CNTNAP2: variants seen among roughly 807,000 people sequenced by gnomAD.
The protein encoded by CNTNAP2 is contactin-associated protein-like 2.
A neutral mutation model predicts 155.2 loss-of-function variants in CNTNAP2; 98 were observed. The ratio of observed to expected loss-of-function variants is 0.63; its 90% CI spans 0.54 to 0.75. CNTNAP2 has a LOEUF of 0.75. Ranked by LOEUF, CNTNAP2 falls within the 30% of genes least tolerant of loss-of-function variation. The pLI is 0.00. For synonymous variants in CNTNAP2, 651 were observed against 631.2 expected, an observed-to-expected ratio of 1.03 and a Z score of -0.47; for missense variants, 1,727 against 1,688.1, an observed-to-expected ratio of 1.02 and a Z score of -0.40.
At chr7:146,864,990 TA>T (rs55646482) in intron 3 of CNTNAP2, among the ~76,000 whole-genome samples, 22,985 of 83,170 alleles carry the variant, frequency 0.28, 1,951 homozygotes, top group Admixed American at 0.3. Context: ...AGAGTCTATC[TA>T]AAAAAAAAAA....
chr7:147,626,721 A>G (rs1289222651), intron 12 of CNTNAP2, among the ~76,000 whole-genome samples: 4 of 152,186 alleles, frequency 2.6e-5, no homozygotes, highest in Admixed American at 6.5e-5. Flanking sequence ...AACTCAGGCC[A>G]TTACAGCAAC....
At chr7:147,094,562 T>C (rs1166792953) in intron 4 of CNTNAP2, among the ~76,000 whole-genome samples, 4 of 144,592 alleles carry the variant, frequency 2.8e-5, no homozygotes, top group Non-Finnish European at 4.5e-5. Context: ...CCACCACGCC[T>C]GGCTATTTTT....
chr7:146,521,358 C>T (rs529163173), intron 1 of CNTNAP2, among the ~76,000 whole-genome samples: 19 of 151,978 alleles, frequency 1.3e-4, no homozygotes, highest in African/African-American at 4.3e-4. Flanking sequence ...GTTTGCTGAC[C>T]ATGGTTTATA....
intron 1 of CNTNAP2, among the ~76,000 whole-genome samples, chr7:146,422,149 A>T (rs1163420265): frequency 1.3e-5 from 2 of 151,012 alleles, no homozygotes; most frequent in Admixed American, 6.6e-5. Context: ...TACATGCATG[A>T]ATTATATGGT....
chr7:146,932,526 C>G (rs1053220850), intron 3 of CNTNAP2, among the ~76,000 whole-genome samples: 44 of 152,096 alleles, frequency 2.9e-4, no homozygotes, highest in Non-Finnish European at 5.9e-5. Context: ...AAAACTGGCA[C>G]AAGACAGGGA....
In CNTNAP2 at chr7:147,583,954, A is replaced by G. The variant is rs78410201; in HGVS notation, c.1897+21697A>G. The stretch of plus-strand genomic sequence containing the variant: ...GTGGCACTTGTATCAAAACTTGAAG[A>G]ATAGGCCTCAGTGCCTTAGAGGAAA... On this transcript the variant is annotated intron_variant, in intron 12 of 23. Transcript: ENST00000361727. 1.6e-3 allele frequency among the ~76,000 whole-genome samples: 243 copies of G among 152,192 alleles called. 6 individuals carry two copies. The East Asian group carries it at 0.039, about 25-fold the overall frequency.
intron 10 of CNTNAP2, among the ~76,000 whole-genome samples, chr7:147,413,822 G>A (rs1020700413): frequency 6.6e-6 from 1 of 152,168 alleles, no homozygotes; most frequent in Non-Finnish European, 1.5e-5. Flanking sequence ...CATGAAAAAT[G>A]CAGCTCAGGT....
intron 1 of CNTNAP2, among the ~76,000 whole-genome samples, chr7:146,601,504 G>A (rs1798948990): frequency 6.6e-6 from 1 of 151,944 alleles, no homozygotes; most frequent in Non-Finnish European, 1.5e-5. Flanking sequence ...TTGCAGATAG[G>A]AAGACTCGAT....
chr7:148,029,925 C>G (rs142805064), intron 15 of CNTNAP2, among the ~76,000 whole-genome samples: 6 of 152,292 alleles, frequency 3.9e-5, no homozygotes, highest in East Asian at 3.9e-4. Context: ...TGGAGAAGAA[C>G]AGGGAGATGT....
intron 2 of CNTNAP2, among the ~76,000 whole-genome samples, chr7:146,805,121 A>G (rs1802944176): frequency 6.6e-6 from 1 of 152,168 alleles, no homozygotes; most frequent in African/African-American, 2.4e-5. Context: ...CAGTAAAGAA[A>G]GGAATCATAG....
intron 1 of CNTNAP2, among the ~76,000 whole-genome samples, chr7:146,500,285 T>A (rs534131911): frequency 6.6e-6 from 1 of 152,246 alleles, no homozygotes; most frequent in African/African-American, 2.4e-5. Context: ...ATTACTGAGA[T>A]GATGATTATT....
At chr7:146,353,192 C>G (rs1163141345) in intron 1 of CNTNAP2, among the ~76,000 whole-genome samples, 1 of 152,174 alleles carries the variant, frequency 6.6e-6, no homozygotes, top group Non-Finnish European at 1.5e-5. Context: ...TCTACAAAAA[C>G]TATTCTTGTC....
chr7:147,924,170 A>C (rs1800340657), intron 14 of CNTNAP2, among the ~76,000 whole-genome samples: 3 of 111,560 alleles, frequency 2.7e-5, no homozygotes, highest in Non-Finnish European at 5.3e-5. Flanking sequence ...ACAGAGTTTC[A>C]CTCTTGTTGC....
chr7:147,563,528 C>A (rs1800106787), intron 12 of CNTNAP2, among the ~76,000 whole-genome samples: 1 of 151,932 alleles, frequency 6.6e-6, no homozygotes, highest in Admixed American at 6.6e-5. Context: ...ACTCAGGAGG[C>A]TAAGGCAGGA....
At chr7:148,085,510 T>C (rs181408736) in intron 15 of CNTNAP2, among the ~76,000 whole-genome samples, 1 of 152,276 alleles carries the variant, frequency 6.6e-6, no homozygotes, top group East Asian at 1.9e-4. Context: ...CTAAGTGCTG[T>C]ATCTGAACTA....
intron 3 of CNTNAP2, among the ~76,000 whole-genome samples, chr7:146,892,070 A>G (rs1356782955): frequency 6.6e-6 from 1 of 152,160 alleles, no homozygotes; most frequent in East Asian, 1.9e-4. Flanking sequence ...TGAATTTACA[A>G]CTTGGGTAGA....
At chr7:146,998,156 G>C (rs952708212) in intron 3 of CNTNAP2, among the ~76,000 whole-genome samples, 1 of 151,780 alleles carries the variant, frequency 6.6e-6, no homozygotes, top group African/African-American at 2.4e-5. Flanking sequence ...CATATACTCT[G>C]ATGTAGGCAT....
chr7:146,518,409 C>T (rs896251477), intron 1 of CNTNAP2, among the ~76,000 whole-genome samples: 8 of 151,810 alleles, frequency 5.3e-5, no homozygotes, highest in Non-Finnish European at 7.4e-5. Context: ...TAAAAAGTTA[C>T]GCATCCAGTA....
chr7:147,390,991 A>G (rs977398134), intron 9 of CNTNAP2, among the ~76,000 whole-genome samples: 13 of 152,076 alleles, frequency 8.5e-5, no homozygotes, highest in African/African-American at 3.1e-4. Context: ...CCAGGACCTC[A>G]TTGTCTAAGT....
Sources: allele counts gnomAD v4.1 joint callset (sites outside exome capture counted in the v4.1 genomes callset), GRCh38; gene constraint gnomAD v4.1.1; transcripts MANE v1.5; gene names NCBI Gene and HGNC (gene_info 2026-07-23, HGNC 2026-07-21).